Variants in SMCO1 observed in about 807,000 individuals in gnomAD.
SMCO1 encodes single-pass membrane and coiled-coil domain-containing protein 1.
A neutral mutation model predicts 7.5 loss-of-function variants in SMCO1; 9 were observed. That is an observed-to-expected ratio of 1.20 (90% CI 0.72 to 2.09). The LOEUF (loss-of-function observed/expected upper bound fraction) is 2.09, where lower values mean the gene tolerates loss of function less well. Ranked by LOEUF, SMCO1 falls within the 30% of genes most tolerant of loss-of-function variation. SMCO1 has a pLI of 0.00. For missense variants in SMCO1, 219 were observed against 253.1 expected (o/e 0.87, Z 0.91); for synonymous variants, 90 against 93.8 (o/e 0.96, Z 0.23).
chr3:196,517,014 G>A (rs759290638), upstream of SMCO1, among the ~76,000 whole-genome samples: 4 of 142,844 alleles, frequency 2.8e-5, no homozygotes, highest in Admixed American at 1.5e-4. Flanking sequence ...TAGGAGAATC[G>A]CTCAAACCCG....
At chr3:196,519,884 C>T (rs774269092), upstream of SMCO1, among the ~76,000 whole-genome samples, 47 of 152,216 alleles carry the variant, frequency 3.1e-4, 1 homozygote, top group South Asian at 6.2e-4. Flanking sequence ...CAACCACGGG[C>T]GGCACATTTA....
Position 196,508,339 on chromosome 3 carries a change from AAAT to A in SMCO1, c.201-11_201-9del. Reference sequence around the variant, plus strand: ...AATTCCATTGAAGTGAGCCTACAAAAAATATGGAGAGCTTCTTAAGCGGTCAAA... The same window carrying A: ...AATTCCATTGAAGTGAGCCTACAAAAATGGAGAGCTTCTTAAGCGGTCAAA... On this transcript the variant is annotated splice_polypyrimidine_tract_variant and intron_variant, in intron 2 of 2. Transcript: ENST00000397537. 6.3e-7 allele frequency: 1 copy of A among 1,578,716 alleles called. No homozygotes were observed.
At chr3:196,511,889 C>T (rs1460560478) in intron 1 of SMCO1, among the ~76,000 whole-genome samples, 1 of 135,098 alleles carries the variant, frequency 7.4e-6, no homozygotes, top group Non-Finnish European at 1.5e-5. Context: ...GGGAAACTTG[C>T]CTGCGCCAAG....
At chr3:196,508,960 A>T (rs1326061689) in intron 2 of SMCO1, among the ~76,000 whole-genome samples, 2 of 150,820 alleles carry the variant, frequency 1.3e-5, no homozygotes, top group Non-Finnish European at 2.9e-5. Context: ...AAAAGAAAAA[A>T]AAATTAATGC....
intron 1 of SMCO1, among the ~76,000 whole-genome samples, chr3:196,511,151 T>C (rs1022599971): frequency 7.1e-6 from 1 of 141,454 alleles, no homozygotes; most frequent in East Asian, 2.0e-4. Flanking sequence ...GAAACTTGCC[T>C]GAGCCACCTA....
In SMCO1 at chr3:196,513,228, G is replaced by A. The variant is rs534158069; in HGVS notation, c.50+1932C>T. Among the ~76,000 whole-genome samples the A allele has an allele frequency of 7.6e-4, 116 of 152,104 alleles. 1 individual carries two copies. Among genetic ancestry groups the A allele is most frequent in the Admixed American group, 2.9e-3 (45 of 15,268 alleles). The stretch of plus-strand genomic sequence containing the variant: ...ACTTGTGGTCCCAGCTACTGGGGAA[G>A]CTGAGGTATGAGAATTGCTTCAGCC... On this transcript the variant is annotated intron_variant, in intron 1 of 2. Transcript: ENST00000397537.
upstream of SMCO1, among the ~76,000 whole-genome samples, chr3:196,515,984 ATAG>A (rs1393727799): frequency 3.2e-3 from 80 of 25,358 alleles, no homozygotes; most frequent in African/African-American, 0.033. Context: ...GGGCAAGAGG[ATAG>A]GATATATATA....
At chr3:196,509,379 TA>T in intron 2 of SMCO1, 140 bp downstream of exon 2, 1 of 823,216 alleles carries the variant, frequency 1.2e-6, no homozygotes, top group Non-Finnish European at 1.8e-6. Context: ...AATCTTTTTT[TA>T]AAAAAATAAA....
intron 1 of SMCO1, among the ~76,000 whole-genome samples, chr3:196,514,754 C>A (rs1324811307): frequency 6.6e-6 from 1 of 152,110 alleles, no homozygotes; most frequent in Non-Finnish European, 1.5e-5. Flanking sequence ...AGACGGAATT[C>A]TTTTTTTGGA....
chr3:196,508,703 G>A (rs575180018), intron 2 of SMCO1, among the ~76,000 whole-genome samples: 2 of 151,190 alleles, frequency 1.3e-5, no homozygotes, highest in Admixed American at 6.6e-5. Context: ...GTGGGAGGAC[G>A]AGGTGGTTGG....
chr3:196,509,371 T>TC (rs1458531188), intron 2 of SMCO1, 149 bp downstream of exon 2: 3 of 784,504 alleles, frequency 3.8e-6, no homozygotes, highest in Non-Finnish European at 5.8e-6. Flanking sequence ...GCCAAATTAA[T>TC]CTTTTTTTAA....
At position 196,508,264 on chromosome 3, in the gene SMCO1, G is replaced by A. The variant is rs374608743; in HGVS notation, c.268C>T (p.Arg90Cys). 58 of 1,613,898 alleles carry A rather than the reference G, an allele frequency of 3.6e-5. No homozygotes were observed. Among genetic ancestry groups the A allele is most frequent in the African/African-American group, 2.7e-5 (2 of 74,912 alleles). ...VIEVLICLHTRVLEKLPDLVR... is the reference protein window; with the variant it reads ...VIEVLICLHTCVLEKLPDLVR... ...AGGTCTGGCAGCTTCTCAAGCACACGAGTATGCAAGCAGATAAGTACTTCA... is the reference window on the plus strand; with the variant it reads ...AGGTCTGGCAGCTTCTCAAGCACACAAGTATGCAAGCAGATAAGTACTTCA... The change falls in exon 3 of 3, where the codon CGT becomes TGT. Residue 90 changes from arginine to cysteine, a missense_variant. Physicochemically the swap from Arg to Cys is radical, Grantham distance 180. Transcript: ENST00000397537.
chr3:196,509,715 A>T, intron 1 of SMCO1, 46 bp from the exon 2 acceptor site: 2 of 1,520,970 alleles, frequency 1.3e-6, no homozygotes, highest in African/African-American at 2.8e-5. Flanking sequence ...ACAGGACAAA[A>T]CTAAGGTTTT....
At chr3:196,515,822 G>A (rs919851109), upstream of SMCO1, among the ~76,000 whole-genome samples, 9 of 150,556 alleles carry the variant, frequency 6.0e-5, no homozygotes, top group African/African-American at 1.7e-4. Flanking sequence ...GCCACAGAGC[G>A]AGACTGTCTC....
chr3:196,515,371 T>A, upstream of SMCO1: 1 of 604,084 alleles, frequency 1.7e-6, no homozygotes, highest in Non-Finnish European at 3.0e-6. Context: ...TACAAGAAGC[T>A]TTTAATAGCC....
upstream of SMCO1, among the ~76,000 whole-genome samples, chr3:196,518,211 CT>C (rs932596831): frequency 2.0e-5 from 3 of 152,230 alleles, no homozygotes; most frequent in African/African-American, 7.2e-5. Context: ...AATGCCACAC[CT>C]GGTCAAACCA....
At chr3:196,512,963 A>T (rs1458155381) in intron 1 of SMCO1, among the ~76,000 whole-genome samples, 1 of 152,212 alleles carries the variant, frequency 6.6e-6, no homozygotes, top group Non-Finnish European at 1.5e-5. Flanking sequence ...GACTCAGTAT[A>T]AAATGTTCAT....
upstream of SMCO1, among the ~76,000 whole-genome samples, chr3:196,519,324 A>G (rs1242325900): frequency 6.6e-6 from 1 of 152,202 alleles, no homozygotes; most frequent in Non-Finnish European, 1.5e-5. Context: ...CACGTGGTAT[A>G]TTTAAGCCAA....
chr3:196,516,031 A>ATATAT (rs58801625), upstream of SMCO1, among the ~76,000 whole-genome samples: 2 of 105,704 alleles, frequency 1.9e-5, no homozygotes, highest in Admixed American at 1.1e-4. Context: ...ATATATATAT[A>ATATAT]ATTATATATA....
Sources: allele counts gnomAD v4.1 joint callset (sites outside exome capture counted in the v4.1 genomes callset), GRCh38; gene constraint gnomAD v4.1.1; transcripts MANE v1.5; gene names NCBI Gene and HGNC (gene_info 2026-07-23, HGNC 2026-07-21).